MAST3: variants seen among roughly 807,000 people sequenced by gnomAD.
The protein encoded by MAST3 is microtubule associated serine/threonine kinase 3.
MAST3 carries 43 observed loss-of-function variants against 127.0 expected under a neutral mutation model. The observed-to-expected ratio is 0.34, with a 90% CI of 0.27 to 0.44. The LOEUF (loss-of-function observed/expected upper bound fraction) is 0.44, where lower values mean the gene tolerates loss of function less well. MAST3 is among the 20% of genes least tolerant of loss of function. The pLI, the probability that MAST3 is intolerant of heterozygous loss-of-function variation, is 1.00. For synonymous variants in MAST3, 785 were observed against 809.2 expected, an observed-to-expected ratio of 0.97 and a Z score of 0.51; for missense variants, 1,390 against 1,919.1, an observed-to-expected ratio of 0.72 and a Z score of 5.15.
chr19:18,105,448 C>G (rs370098995), intron 1 of MAST3, among the ~76,000 whole-genome samples: 1 of 151,396 alleles, frequency 6.6e-6, no homozygotes, highest in Non-Finnish European at 1.5e-5. Flanking sequence ...TTTGTAATCC[C>G]GGCATTTTGG....
chr19:18,127,911 A>C (rs776564254), intron 11 of MAST3, among the ~76,000 whole-genome samples: 5 of 152,216 alleles, frequency 3.3e-5, no homozygotes, highest in African/African-American at 7.2e-5. Context: ...GAGGAAACTG[A>C]GGCTCCAGGC....
intron 27 of MAST3, among the ~76,000 whole-genome samples, chr19:18,148,826 C>A (rs1181783239): frequency 6.6e-6 from 1 of 151,966 alleles, no homozygotes; most frequent in African/African-American, 2.4e-5. Flanking sequence ...TCATTTCAAC[C>A]TGGGAGGTGA....
intron 3 of MAST3, among the ~76,000 whole-genome samples, chr19:18,121,406 C>T (rs1204665208): frequency 6.6e-6 from 1 of 152,240 alleles, no homozygotes; most frequent in Admixed American, 6.5e-5. Context: ...ATCCTCCCAC[C>T]TTGGCCTTCC....
rs1370270214 is a variant in MAST3, at chr19:18,130,554, C to T, written c.1284C>T (p.Asn428=). The change falls in exon 14 of 28, where the codon AAC becomes AAT. Residue 428 remains asparagine (N), a synonymous_variant. Transcript: ENST00000687212. ...AGCGCTTTGCCATCAAGAAGATCAA[C>T]AAACAGAACTTGATCCTGCGTAACC... ...TRQRFAIKKI[N]KQNLILRNQI... is the part of the protein sequence containing the mutation. The T allele has an allele frequency of 6.2e-7, 1 of 1,612,664 alleles. No individual in the cohort carries two copies. Among genetic ancestry groups the T allele is most frequent in the African/African-American group, 1.3e-5 (1 of 75,044 alleles).
chr19:18,141,494 T>C (rs2042483712), intron 20 of MAST3, among the ~76,000 whole-genome samples: 2 of 151,528 alleles, frequency 1.3e-5, no homozygotes, highest in African/African-American at 4.8e-5. Flanking sequence ...TGCCTCAGCC[T>C]TCCAAGTAGC....
chr19:18,143,910 A>C lies in MAST3; in HGVS notation c.2487A>C (p.Pro829=). Residue 829 remains proline, a synonymous_variant, in exon 22 of 28, where the codon CCA becomes CCC. Coordinates refer to ENST00000687212, the MANE Select transcript of MAST3 (RefSeq NM_001393504.1). ...AFSSEDEGVG[P]GPAGPKRPVF... ...CATCAGAGGATGAGGGGGTAGGCCC[A>C]GGCCCTGCAGGCCCCAAGAGGCCCG... 3 of 1,613,642 alleles carry C rather than the reference A, an allele frequency of 1.9e-6. No homozygotes were observed. The highest frequency in any genetic ancestry group is 1.7e-6 in the Non-Finnish European group (2 of 1,179,790).
chr19:18,122,497 C>A (rs2040119319), intron 5 of MAST3, among the ~76,000 whole-genome samples, 176 bp from the exon 6 acceptor site: 1 of 151,910 alleles, frequency 6.6e-6, no homozygotes, highest in Non-Finnish European at 1.5e-5. Context: ...GGAAGAGGTA[C>A]CTAAAGAGAG....
rs1172088277 is a variant in MAST3, at chr19:18,110,613, G to C, written c.72-39G>C. ...TCCGGATTCGGCCACACGAAGGGGC[G>C]GCCGCCAGGTTCACCGTCCCCGGCC... On this transcript the variant is annotated intron_variant, in intron 2 of 27. Coordinates refer to ENST00000687212, the MANE Select transcript of MAST3 (RefSeq NM_001393504.1). This position sits in a 1 kb window ranked among gnomAD's most constrained non-coding sequence, Gnocchi z 4.3. The C allele has an allele frequency of 1.0e-6, 1 of 959,058 alleles. No homozygotes were observed. Among genetic ancestry groups the C allele is most frequent in the Admixed American group, 6.2e-5 (1 of 16,244 alleles). 59.4% of individuals were successfully genotyped at this position (959,058 alleles called of 1,614,324 possible).
chr19:18,140,941 G>A (rs760505549), intron 20 of MAST3, among the ~76,000 whole-genome samples: 14 of 151,846 alleles, frequency 9.2e-5, no homozygotes, highest in South Asian at 2.1e-4. Context: ...TTACAGGTGC[G>A]CGCCACCACA....
chr19:18,147,957 C>A (rs968299749), intron 27 of MAST3, among the ~76,000 whole-genome samples: 1 of 151,878 alleles, frequency 6.6e-6, no homozygotes, highest in Non-Finnish European at 1.5e-5. Context: ...GAGTTTGAGA[C>A]CAGCCTGGGC....
At chr19:18,104,583 A>C (rs1047965812) in intron 1 of MAST3, among the ~76,000 whole-genome samples, 7 of 152,134 alleles carry the variant, frequency 4.6e-5, no homozygotes, top group East Asian at 3.9e-4. Flanking sequence ...GAACACCCAG[A>C]TCACGACGTG....
chr19:18,121,558 G>C, intron 3 of MAST3, 127 bp from the exon 4 acceptor site: 2 of 797,584 alleles, frequency 2.5e-6, no homozygotes, highest in Admixed American at 4.3e-5. Flanking sequence ...TGGGGGCAGA[G>C]TGGGAGTGGC....
intron 12 of MAST3, 43 bp from the exon 13 acceptor site, chr19:18,128,823 G>A (rs1368089890): frequency 6.6e-7 from 1 of 1,526,314 alleles, no homozygotes; most frequent in Non-Finnish European, 9.0e-7. Context: ...AGCCTTCCCA[G>A]CTCTGCAGCG....
At position 18,112,232 on chromosome 19, in the gene MAST3, G is replaced by A. The variant is rs1275718207; in HGVS notation, c.161+1491G>A. 2.0e-5 allele frequency among the ~76,000 whole-genome samples: 3 copies of A among 152,142 alleles called. No homozygotes were observed. The highest frequency in any genetic ancestry group is 2.1e-4 in the South Asian group (1 of 4,828). On this transcript the variant is annotated intron_variant, in intron 3 of 27. Coordinates refer to ENST00000687212, the MANE Select transcript of MAST3 (RefSeq NM_001393504.1). The surrounding 1 kb of genome is among the most constrained non-coding windows in gnomAD (Gnocchi z 4.1). ...GGTTGGACTGCAGTGGCATGATCTC[G>A]GCTCACTGCAACCTCTGCCTCCCAG... is the stretch of plus-strand genomic sequence containing the variant.
At chr19:18,128,349 T>A in intron 11 of MAST3, 51 bp from the exon 12 acceptor site, 1 of 1,479,142 alleles carries the variant, frequency 6.8e-7, no homozygotes. Context: ...TGCTGGGTGA[T>A]GCAGGGTGAG....
intron 3 of MAST3, among the ~76,000 whole-genome samples, chr19:18,115,933 C>T (rs979214055): frequency 6.6e-6 from 1 of 152,210 alleles, no homozygotes; most frequent in Non-Finnish European, 1.5e-5. Context: ...GAGTTGTGCC[C>T]TTTGCCTGGG....
At position 18,143,821 on chromosome 19, in the gene MAST3, C is replaced by T. The variant is rs771959064; in HGVS notation, c.2398C>T (p.Arg800Trp). The change falls in exon 22 of 28, where the codon CGG becomes TGG. Residue 800 changes from arginine to tryptophan, a missense_variant. Arg to Trp is a moderately radical substitution (Grantham distance 101, BLOSUM62 -3). Around this residue, in one of 5 missense-constraint regions of MAST3, gnomAD observed 816 missense variants for 934.1 expected, o/e 0.87. Coordinates refer to ENST00000687212, the MANE Select transcript of MAST3 (RefSeq NM_001393504.1). ...TCAGTCATCTTCGTCCCAGCCCGAG[C>T]GGGGTCCCAGCCCATCTCTCCTGAA... ...SCQSSSSQPE[R>W]GPSPSLLNTI... The T allele has an allele frequency of 2.7e-5, 43 of 1,613,746 alleles. No homozygotes were observed. In the Admixed American group the frequency reaches 5.0e-4, roughly 19 times the overall value.
In MAST3 at chr19:18,145,516, T is replaced by A. The variant is rs539576325; in HGVS notation, c.3040-227T>A. Among the ~76,000 whole-genome samples, 4 of 152,324 alleles carry A rather than the reference T, an allele frequency of 2.6e-5. No homozygotes were observed. In the South Asian group the frequency reaches 8.3e-4, roughly 32 times the overall value. On this transcript the variant is annotated intron_variant, in intron 24 of 27. Coordinates refer to ENST00000687212, the MANE Select transcript of MAST3 (RefSeq NM_001393504.1). The surrounding 1 kb of genome is among the most constrained non-coding windows in gnomAD (Gnocchi z 5.9). Reference sequence around the variant, plus strand: ...CTCCCAGCCCAAGGGCGTCGAGGCATGCCCTCCCTATTGGTTGCTCCCTGA... The same window carrying A: ...CTCCCAGCCCAAGGGCGTCGAGGCAAGCCCTCCCTATTGGTTGCTCCCTGA...
chr19:18,147,791 C>T (rs2147876037), intron 27 of MAST3, among the ~76,000 whole-genome samples, 167 bp downstream of exon 27: 1 of 152,310 alleles, frequency 6.6e-6, no homozygotes, highest in Middle Eastern at 3.4e-3. Context: ...GAGACGAATG[C>T]AGGTGCCAGG....
Sources: gnomAD v4.1 joint callset for allele counts (sites outside exome capture counted in the v4.1 genomes callset) on GRCh38, gnomAD v4.1.1 for gene constraint, gnomAD v4.1.1 regional missense constraint, Gnocchi (gnomAD v3.1) non-coding constraint, MANE v1.5 for transcripts, NCBI Gene and HGNC (gene_info 2026-07-23, HGNC 2026-07-21) for gene names.